ANTXR1: variants seen among roughly 807,000 people sequenced by gnomAD.
The protein encoded by ANTXR1 is anthrax toxin receptor 1.
A neutral mutation model predicts 78.1 loss-of-function variants in ANTXR1; 19 were observed. That is an observed-to-expected ratio of 0.24 (90% confidence interval 0.17 to 0.36). The LOEUF (loss-of-function observed/expected upper bound fraction) is 0.36, where lower values mean the gene tolerates loss of function less well. Ranked by LOEUF, ANTXR1 falls within the 10% of genes least tolerant of loss-of-function variation. The pLI, the probability that ANTXR1 is intolerant of heterozygous loss-of-function variation, is 1.00. For missense variants in ANTXR1, 518 were observed against 718.6 expected (o/e 0.72, Z 3.19); for synonymous variants, 273 against 260.5 (o/e 1.05, Z -0.46).
chr2:69,129,549 C>T lies in ANTXR1; in HGVS notation c.951+4906C>T, dbSNP rs190495622. 3.0e-3 allele frequency among the ~76,000 whole-genome samples: 455 copies of T among 152,132 alleles called. 4 individuals carry two copies. The highest frequency in any genetic ancestry group is 0.011 in the African/African-American group (447 of 41,508). On this transcript the variant is annotated intron_variant, in intron 12 of 17. Transcript: ENST00000303714. ...CGGGCAGTTCACAAGGTCAAGAGATCGAGACCATCCTGGCCAACATGGTGA... is the reference window on the plus strand; with the variant it reads ...CGGGCAGTTCACAAGGTCAAGAGATTGAGACCATCCTGGCCAACATGGTGA...
In ANTXR1 at chr2:69,020,640, T is replaced by A. The variant is rs538101585; in HGVS notation, c.152+6989T>A. On this transcript the variant is annotated intron_variant, in intron 1 of 17. Coordinates refer to ENST00000303714, the MANE Select transcript of ANTXR1 (RefSeq NM_032208.3). ...TCACATAAATGCAAATGGGATTTGC[T>A]CTATGCTAATTTAGAATGTGTGTCT... Among the ~76,000 whole-genome samples, 47 of 152,342 alleles carry A rather than the reference T, an allele frequency of 3.1e-4. 1 individual carries two copies. In the East Asian group the frequency reaches 6.2e-3, roughly 20 times the overall value.
chr2:69,026,863 G>A (rs750052260), intron 1 of ANTXR1, among the ~76,000 whole-genome samples: 1 of 152,162 alleles, frequency 6.6e-6, no homozygotes, highest in African/African-American at 2.4e-5. Flanking sequence ...AAAAGAAAAA[G>A]CCTGAAGAAA....
At chr2:69,066,101 T>A (rs1218444629) in intron 3 of ANTXR1, among the ~76,000 whole-genome samples, 1 of 152,170 alleles carries the variant, frequency 6.6e-6, no homozygotes, top group African/African-American at 2.4e-5. Context: ...ACTAGGAAGT[T>A]GACAATGCAG....
chr2:69,081,528 G>A (rs1670902055), intron 8 of ANTXR1, among the ~76,000 whole-genome samples: 1 of 152,228 alleles, frequency 6.6e-6, no homozygotes, highest in Admixed American at 6.5e-5. Context: ...AAGGGCAGAA[G>A]GAAATTAACA....
At chr2:69,212,451 T>G (rs750816510) in intron 17 of ANTXR1, among the ~76,000 whole-genome samples, 1 of 152,216 alleles carries the variant, frequency 6.6e-6, no homozygotes, top group Non-Finnish European at 1.5e-5. Flanking sequence ...CACACTTAGC[T>G]GCAGGGCAGT....
intron 12 of ANTXR1, among the ~76,000 whole-genome samples, chr2:69,125,809 C>T (rs981407895): frequency 5.3e-5 from 8 of 152,024 alleles, no homozygotes; most frequent in Non-Finnish European, 1.2e-4. Context: ...CCACTGCACT[C>T]CGGCCTGGGT....
intron 10 of ANTXR1, among the ~76,000 whole-genome samples, chr2:69,119,467 C>T (rs775838578): frequency 3.9e-5 from 6 of 152,206 alleles, no homozygotes; most frequent in Non-Finnish European, 4.4e-5. Flanking sequence ...AATATAGGTT[C>T]GAGTCAGCCA....
intron 13 of ANTXR1, among the ~76,000 whole-genome samples, chr2:69,158,406 T>C (rs1673586512): frequency 6.6e-6 from 1 of 152,226 alleles, no homozygotes; most frequent in Non-Finnish European, 1.5e-5. Context: ...GCACACCTTT[T>C]CCTCACCTGG....
At chr2:69,074,134 C>T (rs747891540) in intron 6 of ANTXR1, among the ~76,000 whole-genome samples, 3 of 152,192 alleles carry the variant, frequency 2.0e-5, no homozygotes, top group Non-Finnish European at 4.4e-5. Flanking sequence ...ATGGTCAGCC[C>T]TTTGAAGCCT....
At chr2:69,017,203 A>C (rs998768696) in intron 1 of ANTXR1, among the ~76,000 whole-genome samples, 1 of 152,230 alleles carries the variant, frequency 6.6e-6, no homozygotes, top group Non-Finnish European at 1.5e-5. Context: ...CAGTGGTGGC[A>C]AACAGACCCC....
At chr2:69,136,047 T>G (rs991197363) in intron 12 of ANTXR1, among the ~76,000 whole-genome samples, 5 of 152,156 alleles carry the variant, frequency 3.3e-5, no homozygotes, top group African/African-American at 1.2e-4. Flanking sequence ...AATTGATATG[T>G]TTCAGATCAT....
rs768788998 is a variant in ANTXR1 at position 69,245,420 on chromosome 2, C to T, written c.1630C>T (p.Pro544Ser). ...CCCACCTTCCACCCTTCCCCCTCCT[C>T]CCCAGGCTCCACCTCCCAACAGGGC... is the stretch of plus-strand genomic sequence containing the variant. Reference protein sequence around the residue: ...PSPPSTLPPPPQAPPPNRAPP... With the variant: ...PSPPSTLPPPSQAPPPNRAPP... The change falls in exon 18 of 18, where the codon CCC becomes TCC. Residue 544 changes from proline (P) to serine (S), a missense_variant. By Grantham distance (74) the Pro-to-Ser change is moderately conservative. Transcript: ENST00000303714. 2 of 1,597,694 alleles carry T rather than the reference C, an allele frequency of 1.3e-6. No individual in the cohort carries two copies. The highest frequency in any genetic ancestry group is 1.7e-6 in the Non-Finnish European group (2 of 1,172,072).
At chr2:69,199,801 A>C (rs908440772) in intron 17 of ANTXR1, among the ~76,000 whole-genome samples, 4 of 151,824 alleles carry the variant, frequency 2.6e-5, no homozygotes, top group African/African-American at 9.7e-5. Context: ...CCTCTTTTTC[A>C]CTCAGGGCAG....
At chr2:69,125,059 T>C (rs1672487584) in intron 12 of ANTXR1, among the ~76,000 whole-genome samples, 1 of 151,928 alleles carries the variant, frequency 6.6e-6, no homozygotes, top group Non-Finnish European at 1.5e-5. Context: ...GGAAAATGGG[T>C]ATGAGCTGAA....
chr2:69,229,625 C>T lies in ANTXR1; in HGVS notation c.1435-15600C>T, dbSNP rs889392156. Among the ~76,000 whole-genome samples the T allele has an allele frequency of 2.0e-5, 3 of 152,020 alleles. No homozygotes were observed. The East Asian group carries it at 5.8e-4, about 29-fold the overall frequency. ...TTTAACTGGGGACAGGAAAAATATC[C>T]TCAAGATTCTTAACAGGTGAGACAG... On this transcript the variant is annotated intron_variant, in intron 17 of 17. Transcript: ENST00000303714.
Position 69,013,462 on chromosome 2 carries a change from G to A in ANTXR1, c.-38G>A. On this transcript the variant is annotated 5_prime_UTR_variant, in exon 1 of 18. Transcript: ENST00000303714. The surrounding 1 kb of genome is among the most constrained non-coding windows in gnomAD (Gnocchi z 5.0). ...GGGTCGTGGCGAGTTCGCGGAGCGT[G>A]GGAAGGAGCGGACCCTGCTCTCCCC... 6.3e-7 allele frequency: 1 copy of A among 1,580,502 alleles called. No individual in the cohort carries two copies. The highest frequency in any genetic ancestry group is 8.6e-7 in the Non-Finnish European group (1 of 1,165,588).
rs150038852 is a variant in ANTXR1 at position 69,129,475 on chromosome 2, C to T, written c.951+4832C>T. 1.4e-3 allele frequency among the ~76,000 whole-genome samples: 212 copies of T among 152,140 alleles called. 1 individual carries two copies. The highest frequency in any genetic ancestry group is 4.8e-3 in the African/African-American group (201 of 41,516). On this transcript the variant is annotated intron_variant, in intron 12 of 17. Transcript: ENST00000303714. ...GCATATAAAAGAGTGTATAATAGGC[C>T]GGGCGTGGTGTCTCACGCCTGTAAT...
intron 17 of ANTXR1, among the ~76,000 whole-genome samples, chr2:69,214,483 A>G (rs1027831539): frequency 6.6e-6 from 1 of 152,208 alleles, no homozygotes; most frequent in Admixed American, 6.5e-5. Flanking sequence ...CTCCAAATTC[A>G]GTCATAGAAA....
chr2:69,045,927 G>T (rs1411637628), intron 3 of ANTXR1, among the ~76,000 whole-genome samples: 1 of 152,052 alleles, frequency 6.6e-6, no homozygotes, highest in Non-Finnish European at 1.5e-5. Flanking sequence ...CCAGACCCAG[G>T]CTCCACATTC....
Sources: allele counts gnomAD v4.1 joint callset (sites outside exome capture counted in the v4.1 genomes callset), GRCh38; gene constraint gnomAD v4.1.1; non-coding constraint Gnocchi (gnomAD v3.1); transcripts MANE v1.5; gene names NCBI Gene and HGNC (gene_info 2026-07-23, HGNC 2026-07-21).